ANO7: variants seen among roughly 807,000 people sequenced by gnomAD.
ANO7 encodes anoctamin-7.
Under a neutral mutation model 115.8 loss-of-function variants are expected in ANO7, and 114 were observed. The ratio of observed to expected loss-of-function variants is 0.98; its 90% CI spans 0.85 to 1.15. The LOEUF (loss-of-function observed/expected upper bound fraction) is 1.15. ANO7 is among the 50% of genes most tolerant of loss of function. The pLI, the probability that ANO7 is intolerant of heterozygous loss-of-function variation, is 0.00. For missense variants in ANO7, 1,302 were observed against 1,201.2 expected (o/e 1.08, Z -1.24); for synonymous variants, 550 against 498.2 (o/e 1.10, Z -1.38).
At chr2:241,236,258 G>A in the ANO7 span, 1 of 308,640 alleles carries the variant, frequency 3.2e-6, no homozygotes, top group East Asian at 7.4e-5. Context: ...GGTGAGCTAG[G>A]CCTGATAACC....
the ANO7 span, among the ~76,000 whole-genome samples, chr2:241,239,168 T>C: frequency 7.2e-5 from 11 of 152,184 alleles, no homozygotes; most frequent in South Asian, 2.1e-4. This position sits in a 1 kb window ranked among gnomAD's most constrained non-coding sequence, Gnocchi z 4.6. Context: ...AAAGACTGCT[T>C]CTAAAGACCA....
downstream of ANO7, among the ~76,000 whole-genome samples, chr2:241,230,552 C>G (rs758803192): frequency 6.6e-6 from 1 of 152,216 alleles, no homozygotes; most frequent in African/African-American, 2.4e-5. The surrounding 1 kb of genome is among the most constrained non-coding windows in gnomAD (Gnocchi z 5.0). Flanking sequence ...AAGGAGATGC[C>G]CTCCTAATGG....
rs946989421 is a variant in ANO7, at chr2:241,200,161, G to A, written c.490G>A (p.Glu164Lys). Residue 164 changes from glutamate to lysine, a missense_variant, in exon 6 of 25, where the codon GAG (glutamate) becomes AAG (lysine). Glu to Lys is a moderately conservative substitution (Grantham distance 56, BLOSUM62 1). Coordinates refer to ENST00000674324, the MANE Select transcript of ANO7 (RefSeq NM_001370694.2). Reference sequence around the variant, plus strand: ...GCTGGGCATCCCCAACGTCCTGCTGGAGGTTGTGCCAGACGTACCCCCCGA... The same window carrying A: ...GCTGGGCATCCCCAACGTCCTGCTGAAGGTTGTGCCAGACGTACCCCCCGA... ...AWLGIPNVLL[E>K]VVPDVPPEYY... 1 of 1,613,178 alleles carries A rather than the reference G, an allele frequency of 6.2e-7. No homozygotes were observed.
rs368164427 is a variant in ANO7, at chr2:241,223,677, G to A, written c.2428G>A (p.Val810Ile). Reference sequence around the variant, plus strand: ...CTGCTCCCAGCATGTGGTTTTCTCCGTTGGCCGCCTCCTGGACCTCCTGGT... The same window carrying A: ...CTGCTCCCAGCATGTGGTTTTCTCCATTGGCCGCCTCCTGGACCTCCTGGT... ...VIVFEHVVFS[V>I]GRLLDLLVPD... is the part of the protein sequence containing the mutation. Residue 810 changes from valine to isoleucine, a missense_variant, in exon 23 of 25, where the codon GTT (valine) becomes ATT (isoleucine). Val to Ile is a conservative substitution (Grantham distance 29). Transcript: ENST00000674324. 76 of 1,613,056 alleles carry A rather than the reference G, an allele frequency of 4.7e-5. No individual in the cohort carries two copies. Among genetic ancestry groups the A allele is most frequent in the African/African-American group, 4.4e-4 (33 of 74,998 alleles).
rs1337711390 is a variant in ANO7 at position 241,217,842 on chromosome 2, T to C, written c.2129T>C (p.Ile710Thr). 1 of 1,607,588 alleles carries C rather than the reference T, an allele frequency of 6.2e-7. No individual in the cohort carries two copies. The highest frequency in any genetic ancestry group is 1.1e-5 in the South Asian group (1 of 90,628). The stretch of plus-strand genomic sequence containing the variant: ...GCCGAGCGCGCCCAGGACATCGGCA[T>C]CTGGTTCCACATCCTGGCGGGCCTC... ...PVAERAQDIG[I>T]WFHILAGLTH... Residue 710 changes from isoleucine (I) to threonine (T), a missense_variant, in exon 20 of 25, where the codon ATC becomes ACC. By Grantham distance (89) the Ile-to-Thr change is moderately conservative (BLOSUM62 -1). Transcript: ENST00000674324.
At chr2:241,230,958 A>T (rs1207302594), downstream of ANO7, 1 of 1,609,542 alleles carries the variant, frequency 6.2e-7, no homozygotes, top group Non-Finnish European at 8.5e-7. This position sits in a 1 kb window ranked among gnomAD's most constrained non-coding sequence, Gnocchi z 5.0. Flanking sequence ...AAAAAGGAGA[A>T]TGTAGTCAGA....
intron 11 of ANO7, among the ~76,000 whole-genome samples, chr2:241,208,902 C>T (rs1212717537): frequency 1.3e-5 from 2 of 152,184 alleles, no homozygotes; most frequent in Non-Finnish European, 2.9e-5. Flanking sequence ...GTAATCCCAG[C>T]ACTTTGGGAG....
rs987542207 is a variant in ANO7, at chr2:241,218,529, G to T, written c.2321+148G>T. On this transcript the variant is annotated intron_variant, in intron 21 of 24. Coordinates refer to ENST00000674324, the MANE Select transcript of ANO7 (RefSeq NM_001370694.2). ...GGGGAGGGGGGGAGCTGGGGGCGCC[G>T]TGGGCAGGGGCTGGGGGGAGGTTCC... 1.0e-4 allele frequency: 65 copies of T among 639,562 alleles called. 4 individuals carry two copies. The highest frequency in any genetic ancestry group is 4.4e-6 in the Non-Finnish European group (2 of 456,270). 39.6% of individuals were successfully genotyped at this position (639,562 alleles called of 1,614,324 possible).
At position 241,209,606 on chromosome 2, in the gene ANO7, C is replaced by T. The variant is rs1484867070; in HGVS notation, c.1330C>T (p.Leu444=). The T allele has an allele frequency of 6.3e-7, 1 of 1,589,086 alleles. No individual in the cohort carries two copies. ...FPERSRARRM[L]AGSVVIVVMV... is the part of the protein sequence containing the mutation. ...TGAGAGGAGCCGCGCGCGCCGCATGCTGGCCGGCTCTGTGGTGATCGTGGT... is the reference window on the plus strand; with the variant it reads ...TGAGAGGAGCCGCGCGCGCCGCATGTTGGCCGGCTCTGTGGTGATCGTGGT... The change falls in exon 13 of 25, where the codon CTG becomes TTG. Residue 444 remains leucine, a synonymous_variant. Coordinates refer to ENST00000674324, the MANE Select transcript of ANO7 (RefSeq NM_001370694.2).
chr2:241,202,453 C>T (rs1225656410), intron 8 of ANO7, 149 bp downstream of exon 8: 7 of 669,362 alleles, frequency 1.0e-5, no homozygotes, highest in Non-Finnish European at 1.8e-5. Flanking sequence ...ACACATGCGG[C>T]GATGTGATCA....
chr2:241,209,270 C>A lies in ANO7; in HGVS notation c.1078-15C>A. On this transcript the variant is annotated splice_polypyrimidine_tract_variant and intron_variant, in intron 11 of 24. Coordinates refer to ENST00000674324, the MANE Select transcript of ANO7 (RefSeq NM_001370694.2). ...AGTCCCAAGCAAGTCTGGACGCCCC[C>A]GCTCCCTGCCACAGGCCGGCCGGCT... 6.5e-7 allele frequency: 1 copy of A among 1,546,152 alleles called. No homozygotes were observed.
At chr2:241,238,836 C>T in the ANO7 span, 2 of 1,463,388 alleles carry the variant, frequency 1.4e-6, no homozygotes, top group Admixed American at 4.4e-5. The surrounding 1 kb of genome is among the most constrained non-coding windows in gnomAD (Gnocchi z 4.9). Context: ...GATTAAATTC[C>T]TTAGGGCAAG....
Position 241,209,549 on chromosome 2 carries a change from C to T in ANO7, c.1273C>T (p.Pro425Ser). ...AASAPMTAPNPITGEDEPYFP... is the reference protein window; with the variant it reads ...AASAPMTAPNSITGEDEPYFP... ...CTCAGCCCCCATGACAGCCCCGAAC[C>T]CCATCACGGGTGAGGACGAGCCCTA... Residue 425 changes from proline (P) to serine (S), a missense_variant, in exon 13 of 25, where the codon CCC becomes TCC. Pro to Ser is a moderately conservative substitution (Grantham distance 74). Coordinates refer to ENST00000674324, the MANE Select transcript of ANO7 (RefSeq NM_001370694.2). The T allele has an allele frequency of 6.2e-7, 1 of 1,600,394 alleles. No homozygotes were observed. The highest frequency in any genetic ancestry group is 1.1e-5 in the South Asian group (1 of 89,702).
rs1337137136 is a variant in ANO7 at position 241,209,513 on chromosome 2, C to G, written c.1237C>G (p.Gln413Glu). Reference sequence around the variant, plus strand: ...TCCCTTCCAGGAGAGGCCTCGGCCCCAGTTTGCCGCCTCAGCCCCCATGAC... The same window carrying G: ...TCCCTTCCAGGAGAGGCCTCGGCCCGAGTTTGCCGCCTCAGCCCCCATGAC... The part of the protein sequence containing the change: ...YEDTEERPRP[Q>E]FAASAPMTAP... Residue 413 changes from glutamine (Q) to glutamate (E), a missense_variant, in exon 13 of 25, where the codon CAG becomes GAG. Transcript: ENST00000674324. 4 of 1,591,006 alleles carry G rather than the reference C, an allele frequency of 2.5e-6. No individual in the cohort carries two copies. The highest frequency in any genetic ancestry group is 3.4e-6 in the Non-Finnish European group (4 of 1,168,430).
the ANO7 span, among the ~76,000 whole-genome samples, chr2:241,232,600 T>G: frequency 6.6e-6 from 1 of 152,058 alleles, no homozygotes; most frequent in African/African-American, 2.4e-5. Context: ...AGATTGATAA[T>G]TATATAGAAT....
intron 4 of ANO7, among the ~76,000 whole-genome samples, chr2:241,196,838 CGTGTGTGTGTGTGT>C (rs60120827): frequency 0.21 from 30,833 of 146,884 alleles, 3,471 homozygotes; most frequent in Non-Finnish European, 0.27. Context: ...TCAATTCATT[CGTGTGTGTGTGTGT>C]GTGTGTGTGT....
the ANO7 span, among the ~76,000 whole-genome samples, chr2:241,234,739 C>T: frequency 2.6e-5 from 4 of 152,166 alleles, no homozygotes; most frequent in Admixed American, 2.6e-4. Context: ...AGTCATTCGC[C>T]CTTTGACCAC....
chr2:241,232,556 G>A, the ANO7 span, among the ~76,000 whole-genome samples: 2 of 152,196 alleles, frequency 1.3e-5, no homozygotes, highest in South Asian at 2.1e-4. Flanking sequence ...GATTACAGGC[G>A]TGAGCCACTG....
chr2:241,209,566 C>A lies in ANO7; in HGVS notation c.1290C>A (p.Asp430Glu). Residue 430 changes from aspartate (D) to glutamate (E), a missense_variant, in exon 13 of 25, where the codon GAC becomes GAA. Physicochemically the swap from Asp to Glu is conservative, Grantham distance 45 (BLOSUM62 2). Transcript: ENST00000674324. The stretch of plus-strand genomic sequence containing the variant: ...CCCCGAACCCCATCACGGGTGAGGA[C>A]GAGCCCTACTTCCCTGAGAGGAGCC... ...MTAPNPITGEDEPYFPERSRA... is the reference protein window; with the variant it reads ...MTAPNPITGEEEPYFPERSRA... 1 of 1,601,564 alleles carries A rather than the reference C, an allele frequency of 6.2e-7. No individual in the cohort carries two copies. Among genetic ancestry groups the A allele is most frequent in the South Asian group, 1.1e-5 (1 of 89,800 alleles).
Sources: allele counts gnomAD v4.1 joint callset (sites outside exome capture counted in the v4.1 genomes callset), GRCh38; gene constraint gnomAD v4.1.1; non-coding constraint Gnocchi (gnomAD v3.1); transcripts MANE v1.5; gene names NCBI Gene and HGNC (gene_info 2026-07-23, HGNC 2026-07-21).